Variants in CFAP221 observed in about 807,000 individuals in gnomAD.
The protein encoded by CFAP221 is cilia- and flagella-associated protein 221.
A neutral mutation model predicts 113.1 loss-of-function variants in CFAP221; 97 were observed. The observed-to-expected ratio is 0.86, with a 90% CI of 0.73 to 1.02. CFAP221 has a LOEUF of 1.02. Ranked by LOEUF, CFAP221 falls within the 50% of genes least tolerant of loss-of-function variation. The pLI is 0.00. For missense variants in CFAP221, 1,025 were observed against 1,013.4 expected (o/e 1.01, Z -0.16); for synonymous variants, 331 against 354.4 (o/e 0.93, Z 0.74).
At chr2:119,655,248 A>G (rs1688360733) in intron 23 of CFAP221, among the ~76,000 whole-genome samples, 1 of 152,220 alleles carries the variant, frequency 6.6e-6, no homozygotes, top group African/African-American at 2.4e-5. Flanking sequence ...GGGGAATCAC[A>G]TTCCCCACAA....
At chr2:119,654,357 G>A (rs914767910) in intron 23 of CFAP221, among the ~76,000 whole-genome samples, 16 of 151,954 alleles carry the variant, frequency 1.1e-4, no homozygotes, top group African/African-American at 3.6e-4. Flanking sequence ...TGCACTTTGT[G>A]TTTTGCTTCA....
At chr2:119,639,575 G>A (rs976615662) in intron 20 of CFAP221, among the ~76,000 whole-genome samples, 9 of 152,182 alleles carry the variant, frequency 5.9e-5, no homozygotes, top group Non-Finnish European at 1.3e-4. Flanking sequence ...AGCAAACCTC[G>A]CCTTTGTCTC....
intron 6 of CFAP221, among the ~76,000 whole-genome samples, chr2:119,574,280 G>C (rs1281182916): frequency 2.0e-5 from 3 of 152,100 alleles, no homozygotes; most frequent in Non-Finnish European, 4.4e-5. Flanking sequence ...CCTTTTTCTT[G>C]TTTAGGGTTT....
intron 6 of CFAP221, among the ~76,000 whole-genome samples, chr2:119,586,536 G>T (rs1683235487): frequency 6.6e-6 from 1 of 152,130 alleles, no homozygotes; most frequent in Admixed American, 6.6e-5. Context: ...GTTCTCTAAT[G>T]GTTGCTGGAC....
intron 19 of CFAP221, among the ~76,000 whole-genome samples, chr2:119,637,055 C>T (rs1185838786): frequency 1.3e-5 from 2 of 152,182 alleles, no homozygotes; most frequent in Non-Finnish European, 2.9e-5. Context: ...ACACTATCCC[C>T]ATAGGGTGGG....
intron 6 of CFAP221, among the ~76,000 whole-genome samples, chr2:119,567,273 A>G (rs1255897107): frequency 1.4e-5 from 2 of 143,794 alleles, no homozygotes; most frequent in Non-Finnish European, 3.1e-5. Context: ...GCTTCTATTC[A>G]TTCCTCCTCC....
Position 119,626,383 on chromosome 2 carries a change from C to T in CFAP221, c.1516+695C>T, listed in dbSNP as rs13399408. On this transcript the variant is annotated intron_variant, in intron 15 of 23. Transcript: ENST00000413369. ...TGATGATATAAAGTGGATCTCTGTG[C>T]CAGGTTTGGCTGAAATACCTACCCA... 7.2e-3 allele frequency among the ~76,000 whole-genome samples: 1,093 copies of T among 152,182 alleles called. 13 individuals are homozygous for T. The highest frequency in any genetic ancestry group is 0.025 in the African/African-American group (1,048 of 41,496).
At chr2:119,653,210 A>G (rs1688230697) in intron 23 of CFAP221, among the ~76,000 whole-genome samples, 1 of 151,840 alleles carries the variant, frequency 6.6e-6, no homozygotes. Context: ...GTGAAACCCC[A>G]TCTCTACTAA....
At chr2:119,571,080 T>C (rs1029505170) in intron 6 of CFAP221, among the ~76,000 whole-genome samples, 3 of 145,538 alleles carry the variant, frequency 2.1e-5, no homozygotes, top group African/African-American at 7.6e-5. Context: ...CACCAAAAAA[T>C]ACAAAAAAGT....
chr2:119,597,785 T>C (rs1177817900), intron 7 of CFAP221, among the ~76,000 whole-genome samples: 1 of 152,202 alleles, frequency 6.6e-6, no homozygotes, highest in South Asian at 2.1e-4. Flanking sequence ...ATGTACACCC[T>C]ATGTAAATGA....
intron 6 of CFAP221, among the ~76,000 whole-genome samples, chr2:119,565,374 T>C (rs1681548508): frequency 6.6e-6 from 1 of 152,252 alleles, no homozygotes; most frequent in Non-Finnish European, 1.5e-5. Context: ...CCCTAGTTCA[T>C]TAATTCTTTT....
chr2:119,572,681 ACCTG>A lies in CFAP221; in HGVS notation c.527+10572_527+10575del, dbSNP rs894562946. The A allele has an allele frequency of 9.5e-6, 6 of 628,560 alleles. No homozygotes were observed. The Admixed American group carries it at 1.1e-4, about 12-fold the overall frequency. 38.9% of individuals were successfully genotyped at this position (628,560 alleles called of 1,614,324 possible). Reference sequence around the variant, plus strand: ...CAATTGGTTAGCGTGCTCTAGACAAACCTGCCTGAAACTCACCTGGGGAAGTGAT... The same window carrying A: ...CAATTGGTTAGCGTGCTCTAGACAAACCTGAAACTCACCTGGGGAAGTGAT... On this transcript the variant is annotated intron_variant, in intron 6 of 23. Transcript: ENST00000413369.
At chr2:119,618,017 C>T (rs1331820988) in intron 14 of CFAP221, among the ~76,000 whole-genome samples, 1 of 152,216 alleles carries the variant, frequency 6.6e-6, no homozygotes, top group East Asian at 1.9e-4. Flanking sequence ...GAGGCCTTCC[C>T]TCATTATCCT....
chr2:119,587,420 T>G (rs1451942064), intron 7 of CFAP221, among the ~76,000 whole-genome samples, 198 bp downstream of exon 7: 1 of 152,212 alleles, frequency 6.6e-6, no homozygotes, highest in Admixed American at 6.5e-5. Context: ...GTAAGTTTCT[T>G]CCATGATCGA....
downstream of CFAP221, among the ~76,000 whole-genome samples, chr2:119,657,036 G>A (rs117186787): frequency 3.9e-4 from 59 of 152,284 alleles, no homozygotes; most frequent in East Asian, 4.1e-3. Context: ...ACCTGGAGCA[G>A]GAGGTCACTG....
At chr2:119,565,320 A>G (rs1407562466) in intron 6 of CFAP221, among the ~76,000 whole-genome samples, 1 of 152,200 alleles carries the variant, frequency 6.6e-6, no homozygotes, top group Admixed American at 6.5e-5. Context: ...GTGGGCAAAT[A>G]TAGCAATTTT....
chr2:119,579,376 T>C (rs986811808), intron 6 of CFAP221, among the ~76,000 whole-genome samples: 11 of 152,170 alleles, frequency 7.2e-5, no homozygotes, highest in Admixed American at 4.6e-4. Context: ...TAGTTTAAAA[T>C]GTAAAATTCC....
At chr2:119,634,600 A>G (rs577331791) in intron 19 of CFAP221, among the ~76,000 whole-genome samples, 2 of 152,368 alleles carry the variant, frequency 1.3e-5, no homozygotes, top group East Asian at 3.9e-4. Context: ...TGGAATAAAA[A>G]AAGTGGCATA....
At chr2:119,582,457 CTTT>C (rs200310556) in intron 6 of CFAP221, among the ~76,000 whole-genome samples, 11 of 136,824 alleles carry the variant, frequency 8.0e-5, no homozygotes, top group African/African-American at 8.1e-5. Flanking sequence ...TAAGACATAT[CTTT>C]TTTTTTTTTT....
Sources: allele counts gnomAD v4.1 joint callset (sites outside exome capture counted in the v4.1 genomes callset), GRCh38; gene constraint gnomAD v4.1.1; transcripts MANE v1.5; gene names NCBI Gene and HGNC (gene_info 2026-07-23, HGNC 2026-07-21).